The following MAOB variants were observed in gnomAD, a reference collection of about 807,000 sequenced individuals.
MAOB encodes the protein amine oxidase [flavin-containing] B.
MAOB carries 15 observed loss-of-function variants against 41.9 expected under a neutral mutation model. That is an observed-to-expected ratio of 0.36 (90% CI 0.24 to 0.55). MAOB has a LOEUF of 0.55. MAOB is among the 20% of genes least tolerant of loss of function. MAOB has a pLI of 0.86. For missense variants in MAOB, 345 were observed against 398.7 expected (o/e 0.87, Z 1.15); for synonymous variants, 167 against 144.2 (o/e 1.16, Z -1.13).
chrX:43,877,473 C>G (rs1190271962), intron 1 of MAOB, among the ~76,000 whole-genome samples: 1 of 111,555 alleles, frequency 9.0e-6, no homozygotes, highest in African/African-American at 3.3e-5. Flanking sequence ...TCATTCTTAA[C>G]CTTCACAGAG....
chrX:43,865,026 T>C (rs1033700549), intron 1 of MAOB, among the ~76,000 whole-genome samples: 1 of 112,127 alleles, frequency 8.9e-6, no homozygotes, highest in Admixed American at 9.5e-5. Context: ...AGTTACCTTA[T>C]GATCTAGCAG....
intron 3 of MAOB, among the ~76,000 whole-genome samples, chrX:43,814,192 CT>C (rs1252315835): frequency 9.0e-6 from 1 of 110,676 alleles, no homozygotes; most frequent in African/African-American, 3.3e-5. Context: ...GGACTGTCCC[CT>C]TGTTCACTGG....
intron 3 of MAOB, among the ~76,000 whole-genome samples, chrX:43,816,013 G>A (rs1193842045): frequency 8.9e-6 from 1 of 111,804 alleles, no homozygotes; most frequent in Non-Finnish European, 1.9e-5. Flanking sequence ...GTTCCTTAAT[G>A]GTATACCATA....
At chrX:43,814,356 A>G (rs2034783141) in intron 3 of MAOB, among the ~76,000 whole-genome samples, 1 of 112,035 alleles carries the variant, frequency 8.9e-6, no homozygotes, top group Non-Finnish European at 1.9e-5. Context: ...TCACCAGTGT[A>G]TCATCACTGC....
At chrX:43,820,334 A>T (rs1002093895) in intron 3 of MAOB, among the ~76,000 whole-genome samples, 4 of 112,127 alleles carry the variant, frequency 3.6e-5, no homozygotes, top group African/African-American at 1.3e-4. Context: ...GTGGTTTTTC[A>T]CAGACAAAAA....
chrX:43,767,979 C>A (rs1025485748), intron 14 of MAOB, among the ~76,000 whole-genome samples: 2 of 112,306 alleles, frequency 1.8e-5, no homozygotes, highest in Non-Finnish European at 3.8e-5. Flanking sequence ...AACACGTGTG[C>A]CATAAATACT....
chrX:43,769,462 G>A (rs1388949777), intron 12 of MAOB, 44 bp from the exon 13 acceptor site: 3 of 1,165,400 alleles, frequency 2.6e-6, no homozygotes, highest in African/African-American at 3.6e-5. Context: ...GTCTCAGAGA[G>A]TCAGAGAAAA....
At chrX:43,768,580 A>G (rs2034140742) in intron 14 of MAOB, 74 bp downstream of exon 14, 1 of 840,294 alleles carries the variant, frequency 1.2e-6, no homozygotes. Context: ...GTGAATATAT[A>G]CAAGTGTGCT....
chrX:43,780,276 G>A (rs2034312685), intron 10 of MAOB, 66 bp downstream of exon 10: 15 of 895,795 alleles, frequency 1.7e-5, no homozygotes, highest in South Asian at 2.2e-5. Flanking sequence ...AAGAGAAAAG[G>A]GAGGGAGGGA....
intron 3 of MAOB, among the ~76,000 whole-genome samples, chrX:43,811,181 A>G (rs1230062779): frequency 9.0e-6 from 1 of 111,325 alleles, no homozygotes; most frequent in Non-Finnish European, 1.9e-5. Flanking sequence ...ATCCATTACT[A>G]TTATCAACAT....
intron 8 of MAOB, among the ~76,000 whole-genome samples, chrX:43,783,167 A>C (rs1378411592): frequency 8.9e-6 from 1 of 112,127 alleles, no homozygotes. Flanking sequence ...GAAAGAAATA[A>C]AGGATATTCA....
At chrX:43,843,563 C>A (rs1053568367) in intron 2 of MAOB, 107 bp downstream of exon 2, 1 of 641,990 alleles carries the variant, frequency 1.6e-6, no homozygotes, top group East Asian at 3.8e-5. Flanking sequence ...TTATTTTCAC[C>A]CTCTTAGAGT....
At chrX:43,803,845 A>G (rs1440832618) in intron 3 of MAOB, among the ~76,000 whole-genome samples, 1 of 111,197 alleles carries the variant, frequency 9.0e-6, no homozygotes, top group Non-Finnish European at 1.9e-5. Context: ...GAATGCAACC[A>G]TCTGTTAGAA....
At chrX:43,793,650 A>C in intron 7 of MAOB, 72 bp from the exon 8 acceptor site, 41 of 874,981 alleles carry the variant, frequency 4.7e-5, no homozygotes, top group Non-Finnish European at 6.5e-5. Context: ...ATTCTCTCTC[A>C]TTCTATCGTT....
At chrX:43,787,581 T>C (rs2034415918) in intron 8 of MAOB, among the ~76,000 whole-genome samples, 1 of 112,364 alleles carries the variant, frequency 8.9e-6, no homozygotes, top group Non-Finnish European at 1.9e-5. Context: ...AGTCTACTTT[T>C]CAAATGTTTT....
chrX:43,769,534 T>A, intron 12 of MAOB, 116 bp from the exon 13 acceptor site: 1 of 1,006,142 alleles, frequency 9.9e-7, no homozygotes, highest in East Asian at 3.8e-5. Context: ...AAGAAGGACA[T>A]TGGCAATTTT....
intron 3 of MAOB, among the ~76,000 whole-genome samples, chrX:43,822,996 C>T (rs2147152259): frequency 9.1e-6 from 1 of 109,568 alleles, no homozygotes; most frequent in South Asian, 4.0e-4. Flanking sequence ...CCCTCAACAA[C>T]CCTATAAGCA....
In MAOB at chrX:43,802,277, A is replaced by T; in HGVS notation, c.385-14T>A. 5 of 1,042,064 alleles carry T rather than the reference A, an allele frequency of 4.8e-6. No homozygotes were observed. The highest frequency in any genetic ancestry group is 6.7e-6 in the Non-Finnish European group (5 of 751,272). The allele number at this position is 1,042,064 out of a possible 1,213,427, so 85.9% of individuals were successfully genotyped here. The stretch of plus-strand genomic sequence containing the variant: ...ATCACTCGGAATCTACATTCAGATG[A>T]GGATTCGAAGGAGAAAGACAAATGT... On this transcript the variant is annotated splice_polypyrimidine_tract_variant and intron_variant, in intron 4 of 14. Transcript: ENST00000378069.
In MAOB at chrX:43,776,564, T is replaced by A. The variant is rs767995801; in HGVS notation, c.1138-1292A>T. Among the ~76,000 whole-genome samples the A allele has an allele frequency of 4.5e-5, 5 of 110,952 alleles. No homozygotes were observed. The East Asian group carries it at 8.6e-4, about 19-fold the overall frequency. On this transcript the variant is annotated intron_variant, in intron 11 of 14. Coordinates refer to ENST00000378069, the MANE Select transcript of MAOB (RefSeq NM_000898.5). ...AAATATCTTGAATGGCTTTTTTTTT[T>A]AAATCAACTCCACACTCTTTATTCT...
Sources: allele counts gnomAD v4.1 joint callset (sites outside exome capture counted in the v4.1 genomes callset), GRCh38; gene constraint gnomAD v4.1.1; transcripts MANE v1.5; gene names NCBI Gene and HGNC (gene_info 2026-07-23, HGNC 2026-07-21).